The following PHLDB2 variants were observed in gnomAD, a reference collection of about 807,000 sequenced individuals.
PHLDB2 encodes the protein pleckstrin homology like domain family B member 2, also known as pleckstrin homology-like domain family B member 2.
PHLDB2 carries 71 observed loss-of-function variants against 123.6 expected under a neutral mutation model. That is an observed-to-expected ratio of 0.57 (90% CI 0.47 to 0.70). The LOEUF (loss-of-function observed/expected upper bound fraction) is 0.70. Ranked by LOEUF, PHLDB2 falls within the 30% of genes least tolerant of loss-of-function variation. The pLI is 0.00. For missense variants in PHLDB2, 1,446 were observed against 1,519.5 expected, an observed-to-expected ratio of 0.95 and a Z score of 0.80; for synonymous variants, 547 against 541.6, an observed-to-expected ratio of 1.01 and a Z score of -0.14.
intron 1 of PHLDB2, among the ~76,000 whole-genome samples, chr3:111,738,272 T>G (rs1186300102): frequency 2.0e-5 from 3 of 152,172 alleles, no homozygotes; most frequent in Non-Finnish European, 4.4e-5. Context: ...ACAGTTGTGT[T>G]GATAAATTAT....
intron 1 of PHLDB2, among the ~76,000 whole-genome samples, chr3:111,828,611 G>T (rs1243294433): frequency 3.3e-5 from 5 of 152,096 alleles, no homozygotes; most frequent in Non-Finnish European, 7.3e-5. Flanking sequence ...ACAACACAGG[G>T]AGACCCTGTC....
chr3:111,945,717 C>T (rs527535964), intron 9 of PHLDB2, among the ~76,000 whole-genome samples: 1 of 152,116 alleles, frequency 6.6e-6, no homozygotes, highest in Admixed American at 6.5e-5. Context: ...TTCTCCCTCC[C>T]CTCTCTTATT....
chr3:111,761,594 C>T (rs2059995147), intron 1 of PHLDB2, among the ~76,000 whole-genome samples: 1 of 152,210 alleles, frequency 6.6e-6, no homozygotes, highest in Non-Finnish European at 1.5e-5. Context: ...TCTGCTTTAT[C>T]TACCCCAGAG....
intron 1 of PHLDB2, among the ~76,000 whole-genome samples, chr3:111,834,894 G>A (rs1051974034): frequency 2.6e-5 from 4 of 151,862 alleles, no homozygotes; most frequent in Non-Finnish European, 5.9e-5. Flanking sequence ...CTTTAGCTTC[G>A]GAACTGGTTT....
chr3:111,754,325 T>C (rs553021927), intron 1 of PHLDB2, among the ~76,000 whole-genome samples: 4 of 145,810 alleles, frequency 2.7e-5, no homozygotes, highest in South Asian at 4.5e-4. Context: ...TTTTATTTCA[T>C]TGAGCAGTGG....
intron 16 of PHLDB2, 149 bp downstream of exon 16, chr3:111,970,058 A>C (rs117495207): frequency 1.4e-6 from 1 of 692,722 alleles, no homozygotes; most frequent in Non-Finnish European, 2.4e-6. Context: ...ATTATTTTAT[A>C]TTTAGATTAT....
Position 111,859,628 on chromosome 3 carries a change from G to A in PHLDB2, c.-15+52G>A, listed in dbSNP as rs916135702. 6 of 985,116 alleles carry A rather than the reference G, an allele frequency of 6.1e-6. 1 individual carries two copies. In the Admixed American group the frequency reaches 2.5e-4, roughly 40 times the overall value. The allele number at this position is 985,116 out of a possible 1,614,324, so 61.0% of individuals were successfully genotyped here. ...GAGGAGGGGGTGGTGCCGACTCCGT[G>A]TGCCAGGAGTGCGTCCCGGGGACGC... On this transcript the variant is annotated intron_variant, in intron 1 of 17. Coordinates refer to ENST00000431670, the MANE Select transcript of PHLDB2 (RefSeq NM_001134438.2).
At chr3:111,935,025 C>T (rs1335062398) in intron 6 of PHLDB2, among the ~76,000 whole-genome samples, 1 of 151,488 alleles carries the variant, frequency 6.6e-6, no homozygotes, top group Non-Finnish European at 1.5e-5. Flanking sequence ...GAAAACTGTC[C>T]CAGCCAGGTA....
intron 1 of PHLDB2, among the ~76,000 whole-genome samples, chr3:111,878,029 A>C (rs1171913476): frequency 6.6e-6 from 1 of 152,200 alleles, no homozygotes; most frequent in South Asian, 2.1e-4. Flanking sequence ...TGCTTTGGCT[A>C]TGCAGGCTCT....
intron 12 of PHLDB2, among the ~76,000 whole-genome samples, chr3:111,960,767 TC>T (rs994467480): frequency 6.6e-6 from 1 of 152,158 alleles, no homozygotes; most frequent in African/African-American, 2.4e-5. Flanking sequence ...TGGTAATAAC[TC>T]CCTGGGTAAT....
chr3:111,939,941 T>C (rs1220959574), intron 7 of PHLDB2, among the ~76,000 whole-genome samples: 1 of 152,228 alleles, frequency 6.6e-6, no homozygotes, highest in Non-Finnish European at 1.5e-5. Context: ...AATAATTCTA[T>C]GAACAAAGTC....
chr3:111,741,521 A>ATG (rs2059604606), intron 1 of PHLDB2, among the ~76,000 whole-genome samples: 1 of 135,402 alleles, frequency 7.4e-6, no homozygotes, highest in Non-Finnish European at 1.6e-5. Flanking sequence ...GTGTGTGTCC[A>ATG]TGTGTGTGTG....
chr3:111,802,328 A>G (rs752628192), intron 1 of PHLDB2, among the ~76,000 whole-genome samples: 18 of 152,218 alleles, frequency 1.2e-4, no homozygotes, highest in Non-Finnish European at 2.2e-4. Flanking sequence ...TGAAGAATAA[A>G]GGGGAGACAG....
chr3:111,878,653 G>C (rs1258216937), intron 1 of PHLDB2, among the ~76,000 whole-genome samples: 2 of 152,176 alleles, frequency 1.3e-5, no homozygotes, highest in Non-Finnish European at 2.9e-5. Context: ...AATGCTTCCG[G>C]TTTTTGTCCA....
At chr3:111,932,156 A>C in intron 5 of PHLDB2, 113 bp from the exon 6 acceptor site, 1 of 1,169,492 alleles carries the variant, frequency 8.6e-7, no homozygotes, top group Non-Finnish European at 1.2e-6. Context: ...ACATTCATAG[A>C]TTGTCCAGAG....
upstream of PHLDB2, among the ~76,000 whole-genome samples, chr3:111,854,954 G>T (rs2064415844): frequency 6.6e-6 from 1 of 152,210 alleles, no homozygotes; most frequent in South Asian, 2.1e-4. Context: ...CTGTGAATCT[G>T]CCCATGGGCA....
intron 1 of PHLDB2, among the ~76,000 whole-genome samples, chr3:111,872,309 G>A (rs1023560156): frequency 2.0e-5 from 3 of 152,106 alleles, no homozygotes; most frequent in African/African-American, 7.2e-5. Context: ...AAATATACAG[G>A]AAACCCAAAA....
intron 1 of PHLDB2, among the ~76,000 whole-genome samples, chr3:111,878,518 CTT>C (rs1399712470): frequency 6.6e-6 from 1 of 152,200 alleles, no homozygotes; most frequent in South Asian, 2.1e-4. Flanking sequence ...TTGACTTCCT[CTT>C]TTCCTAATTG....
intron 1 of PHLDB2, among the ~76,000 whole-genome samples, chr3:111,823,615 CA>C (rs955962417): frequency 1.3e-5 from 2 of 152,186 alleles, no homozygotes; most frequent in Non-Finnish European, 2.9e-5. Flanking sequence ...ACAAACCTAG[CA>C]AAGTCTTATC....
Sources: allele counts gnomAD v4.1 joint callset (sites outside exome capture counted in the v4.1 genomes callset), GRCh38; gene constraint gnomAD v4.1.1; transcripts MANE v1.5; gene names NCBI Gene and HGNC (gene_info 2026-07-23, HGNC 2026-07-21).